SPON2: variants seen among roughly 807,000 people sequenced by gnomAD.
The protein encoded by SPON2 is spondin-2.
A neutral mutation model predicts 29.9 loss-of-function variants in SPON2; 32 were observed. The observed-to-expected ratio is 1.07, with a 90% CI of 0.81 to 1.44. The LOEUF (loss-of-function observed/expected upper bound fraction) is 1.44, where lower values mean the gene tolerates loss of function less well. SPON2 is among the 40% of genes most tolerant of loss of function. The pLI, the probability that SPON2 is intolerant of heterozygous loss-of-function variation, is 0.00. For missense variants in SPON2, 541 were observed against 455.5 expected (o/e 1.19, Z -1.71); for synonymous variants, 248 against 209.1 (o/e 1.19, Z -1.61).
chr4:1,201,939 A>G (rs1728219816), intron 1 of SPON2, among the ~76,000 whole-genome samples: 1 of 152,178 alleles, frequency 6.6e-6, no homozygotes, highest in Non-Finnish European at 1.5e-5. Context: ...CCCGCAAAAC[A>G]GCTTCATTGA....
rs961321009 is a variant in SPON2 at position 1,202,667 on chromosome 4, C to A, written c.-234+5213G>T. ...TGGTGGCCCTGCAGTCCTGGGGTCT[C>A]GGAGGCAGCCCCCACCTCAGCTCCG... On this transcript the variant is annotated intron_variant, in intron 1 of 3. Coordinates refer to the SPON2 transcript ENST00000509233. This position sits in a 1 kb window ranked among gnomAD's most constrained non-coding sequence, Gnocchi z 5.4. Among the ~76,000 whole-genome samples, 1 of 152,044 alleles carries A rather than the reference C, an allele frequency of 6.6e-6. No individual in the cohort carries two copies. Among genetic ancestry groups the A allele is most frequent in the East Asian group, 1.9e-4 (1 of 5,162 alleles).
In SPON2 at chr4:1,171,132, A is replaced by G. The variant is rs2153076960; in HGVS notation, c.503T>C (p.Leu168Pro). The G allele has an allele frequency of 6.4e-7, 1 of 1,554,124 alleles. No homozygotes were observed. Among genetic ancestry groups the G allele is most frequent in the South Asian group, 1.2e-5 (1 of 84,368 alleles). ...SPDWFVGVDS[L>P]DLCDGDRWRE... The stretch of plus-strand genomic sequence containing the variant: ...CCAACGGTCCCCGTCGCACAGGTCC[A>G]GGCTGTCCACGCCCACGAACCAGTC... Residue 168 changes from leucine (L) to proline (P), a missense_variant, in exon 4 of 6, where the codon CTG becomes CCG. Coordinates refer to ENST00000290902, the MANE Select transcript of SPON2 (RefSeq NM_012445.4).
intron 1 of SPON2, among the ~76,000 whole-genome samples, chr4:1,184,919 A>G (rs970064661): frequency 7.0e-6 from 1 of 143,308 alleles, no homozygotes; most frequent in East Asian, 2.1e-4. Flanking sequence ...CTTGGGCGAC[A>G]GTGCAAGACT....
Position 1,202,048 on chromosome 4 carries a change from TCCGGAAC to T in SPON2, c.-234+5825_-234+5831del. ...GTGCAACCATCCCCACTCATCTCAC[TCCGGAAC>T]ACGTTCATCATCCGCAGAAGACGTC... On this transcript the variant is annotated intron_variant, in intron 1 of 3. Coordinates refer to the SPON2 transcript ENST00000509233. This position sits in a 1 kb window ranked among gnomAD's most constrained non-coding sequence, Gnocchi z 5.4. 6.6e-6 allele frequency among the ~76,000 whole-genome samples: 1 copy of T among 152,326 alleles called. No individual in the cohort carries two copies. The highest frequency in any genetic ancestry group is 1.9e-4 in the East Asian group (1 of 5,188).
chr4:1,196,109 T>A (rs1001956337), upstream of SPON2, among the ~76,000 whole-genome samples: 50 of 152,100 alleles, frequency 3.3e-4, no homozygotes, highest in Admixed American at 1.3e-3. Flanking sequence ...CGACAGGCCC[T>A]CTGCCTCTCC....
At chr4:1,184,541 TG>T (rs1727756737) in intron 1 of SPON2, among the ~76,000 whole-genome samples, 1 of 152,070 alleles carries the variant, frequency 6.6e-6, no homozygotes, top group Non-Finnish European at 1.5e-5. Flanking sequence ...AGAACAAAGC[TG>T]GGGGACTCAC....
intron 1 of SPON2, among the ~76,000 whole-genome samples, chr4:1,203,808 C>T (rs1324711643): frequency 3.3e-5 from 5 of 152,038 alleles, no homozygotes; most frequent in Admixed American, 2.0e-4. Flanking sequence ...TGGTGTTAAG[C>T]AGCTTGTCAT....
At chr4:1,204,149 G>A (rs998053617) in intron 1 of SPON2, among the ~76,000 whole-genome samples, 4 of 152,244 alleles carry the variant, frequency 2.6e-5, no homozygotes, top group Non-Finnish European at 4.4e-5. Context: ...TGGGATTACA[G>A]GCGTGAGCCA....
At chr4:1,170,893 C>G (rs779456615) in intron 4 of SPON2, 106 bp downstream of exon 4, 30 of 1,440,152 alleles carry the variant, frequency 2.1e-5, no homozygotes, top group Non-Finnish European at 2.9e-5. Context: ...ACACAAAAGC[C>G]GCAAGCGGCT....
intron 1 of SPON2, chr4:1,201,548 T>C (rs1052242198): frequency 3.7e-4 from 58 of 158,288 alleles, no homozygotes; most frequent in Admixed American, 3.8e-4. Context: ...CCTGCCACAC[T>C]GAGGTCCGCG....
intron 2 of SPON2, 21 bp from the exon 3 acceptor site, chr4:1,171,507 G>C: frequency 6.2e-7 from 1 of 1,602,428 alleles, no homozygotes. Context: ...ACCCGGCCGC[G>C]CCGCGGACCA....
chr4:1,202,638 T>C lies in SPON2; in HGVS notation c.-234+5242A>G, dbSNP rs181394435. Among the ~76,000 whole-genome samples the C allele has an allele frequency of 3.6e-3, 547 of 151,832 alleles. 3 individuals are homozygous for C. The highest frequency in any genetic ancestry group is 0.012 in the African/African-American group (512 of 41,342). ...TGCCGCTCTCCCAGGCTGTGCTTGC[T>C]CGCTGGTGGCCCTGCAGTCCTGGGG... On this transcript the variant is annotated intron_variant, in intron 1 of 3. Transcript: ENST00000509233. The surrounding 1 kb of genome is among the most constrained non-coding windows in gnomAD (Gnocchi z 5.4).
chr4:1,200,523 C>T (rs1429916837), intron 1 of SPON2: 2 of 305,822 alleles, frequency 6.5e-6, no homozygotes, highest in African/African-American at 4.4e-5. Flanking sequence ...TGCGCTTCTG[C>T]CTCCAGGATG....
At position 1,194,561 on chromosome 4, in the gene SPON2, G is replaced by A. The variant is rs568693953; in HGVS notation, c.-239+429C>T. Among the ~76,000 whole-genome samples the A allele has an allele frequency of 5.3e-5, 8 of 152,274 alleles. No individual in the cohort carries two copies. The East Asian group carries it at 1.2e-3, about 22-fold the overall frequency. On this transcript the variant is annotated intron_variant, in intron 1 of 3. Coordinates refer to the SPON2 transcript ENST00000502483. ...GCACAGCTTAGCTTCTTCCTGGCCC[G>A]GGTGGGCTCCGTCCTCTTCTCTGGG... is the stretch of plus-strand genomic sequence containing the variant.
upstream of SPON2, chr4:1,199,064 A>G (rs150326546): frequency 1.7e-4 from 26 of 152,334 alleles, no homozygotes; most frequent in African/African-American, 6.0e-4. This position sits in a 1 kb window ranked among gnomAD's most constrained non-coding sequence, Gnocchi z 4.5. Flanking sequence ...TGTTGATGAC[A>G]TGATTGTAAA....
upstream of SPON2, among the ~76,000 whole-genome samples, chr4:1,198,256 C>G (rs1728115796): frequency 6.6e-6 from 1 of 152,168 alleles, no homozygotes; most frequent in Admixed American, 6.5e-5. Context: ...CAGAATGACT[C>G]TGGATGAGCG....
rs189863717 is a variant in SPON2, at chr4:1,189,448, G to C, written c.-239+5542C>G. ...AAGGCAGGCAGATCTCTTGAGCTCA[G>C]GAGTTCAAGACCAGCAGGGGCAAAC... is the stretch of plus-strand genomic sequence containing the variant. On this transcript the variant is annotated intron_variant, in intron 1 of 3. Coordinates refer to the SPON2 transcript ENST00000502483. Among the ~76,000 whole-genome samples, 561 of 151,368 alleles carry C rather than the reference G, an allele frequency of 3.7e-3. 1 individual carries two copies. The highest frequency in any genetic ancestry group is 6.0e-3 in the Non-Finnish European group (409 of 67,816).
chr4:1,186,490 G>C (rs1727810633), intron 1 of SPON2, among the ~76,000 whole-genome samples: 1 of 152,076 alleles, frequency 6.6e-6, no homozygotes, highest in Non-Finnish European at 1.5e-5. Flanking sequence ...TTTTAGTAGA[G>C]ACGGGGTTTC....
intron 1 of SPON2, chr4:1,194,930 CG>C (rs1348927415): frequency 6.8e-6 from 1 of 148,090 alleles, no homozygotes; most frequent in Non-Finnish European, 1.5e-5. Flanking sequence ...GCTCCAACCC[CG>C]CAGCCGGCGG....
Sources: allele counts gnomAD v4.1 joint callset (sites outside exome capture counted in the v4.1 genomes callset), GRCh38; gene constraint gnomAD v4.1.1; non-coding constraint Gnocchi (gnomAD v3.1); transcripts MANE v1.5; gene names NCBI Gene and HGNC (gene_info 2026-07-23, HGNC 2026-07-21).